GIT2: variants seen among roughly 807,000 people sequenced by gnomAD.
GIT2 encodes GIT ArfGAP 2.
In GIT2, 32 loss-of-function variants were observed where a neutral mutation model predicts 100.3. The observed-to-expected ratio is 0.32, with a 90% CI of 0.24 to 0.43. The LOEUF (loss-of-function observed/expected upper bound fraction) is 0.43, where lower values mean the gene tolerates loss of function less well. GIT2 is among the 20% of genes least tolerant of loss of function. The probability of loss-of-function intolerance (pLI) is 1.00; values close to 1 mark genes in which losing one functional copy is unlikely to be tolerated. For missense variants in GIT2, 737 were observed against 975.1 expected (o/e 0.76, Z 3.25); for synonymous variants, 353 against 364.1 (o/e 0.97, Z 0.35).
intron 1 of GIT2, 25 bp from the exon 2 acceptor site, chr12:109,991,785 G>A (rs1367343428): frequency 1.2e-6 from 2 of 1,602,436 alleles, no homozygotes; most frequent in East Asian, 4.5e-5. Flanking sequence ...AAATCTCAGT[G>A]GCAGGGATAC....
At chr12:109,976,598 T>C (rs909892311) in intron 7 of GIT2, among the ~76,000 whole-genome samples, 48 of 150,510 alleles carry the variant, frequency 3.2e-4, no homozygotes, top group Non-Finnish European at 5.0e-4. Flanking sequence ...CTTTTCTTTT[T>C]TTTTTTTTTT....
chr12:109,938,505 T>C lies in GIT2; in HGVS notation c.1878A>G (p.Thr626=). The C allele has an allele frequency of 2.5e-6, 4 of 1,613,928 alleles. No homozygotes were observed. The highest frequency in any genetic ancestry group is 3.4e-6 in the Non-Finnish European group (4 of 1,179,842). ...GGCTTGGGGCCACATGGGGTTCTGC[T>C]GTGTCTGGTACCAAGCCATCCCCTG... is the stretch of plus-strand genomic sequence containing the variant. The part of the protein sequence containing the change: ...VWPGDGLVPD[T]AEPHVAPSPT... The change falls in exon 18 of 20, where the codon ACA becomes ACG. Residue 626 remains threonine (T), a synonymous_variant. Coordinates refer to ENST00000355312, the MANE Select transcript of GIT2 (RefSeq NM_057169.5).
chr12:109,967,366 T>C (rs1357109460), intron 8 of GIT2, 92 bp downstream of exon 8: 1 of 1,570,298 alleles, frequency 6.4e-7, no homozygotes, highest in Non-Finnish European at 8.7e-7. Flanking sequence ...TGTATGGGCT[T>C]TGTTAAACAC....
chr12:109,995,452 T>C (rs998267922), intron 1 of GIT2, among the ~76,000 whole-genome samples: 6 of 152,168 alleles, frequency 3.9e-5, no homozygotes, highest in Non-Finnish European at 8.8e-5. Flanking sequence ...TCTACGAGTA[T>C]TCATTGAATC....
At chr12:109,973,905 G>C (rs1884493751) in intron 7 of GIT2, among the ~76,000 whole-genome samples, 1 of 151,840 alleles carries the variant, frequency 6.6e-6, no homozygotes, top group African/African-American at 2.4e-5. Flanking sequence ...TGCCAGGCAT[G>C]GTGCTGCATG....
In GIT2 at chr12:109,983,371, A is replaced by G; in HGVS notation, c.623+2T>C. The G allele has an allele frequency of 6.2e-7, 1 of 1,612,928 alleles. No individual in the cohort carries two copies. Among genetic ancestry groups the G allele is most frequent in the Non-Finnish European group, 8.5e-7 (1 of 1,179,620 alleles). On this transcript the variant is annotated splice_donor_variant, in intron 6 of 19. Coordinates refer to ENST00000355312, the MANE Select transcript of GIT2 (RefSeq NM_057169.5). LOFTEE classifies it high-confidence loss of function. ...GAAGTAGCGAGAATCTAGGTCTCTT[A>G]CCTTGCATAATCAACGGGAGTTTTC...
chr12:109,937,815 G>A (rs1444379666), intron 18 of GIT2, among the ~76,000 whole-genome samples: 1 of 152,190 alleles, frequency 6.6e-6, no homozygotes, highest in Non-Finnish European at 1.5e-5. Flanking sequence ...AAATTCTCCT[G>A]CCTCAGCCTT....
chr12:109,963,863 G>A (rs917458491), intron 9 of GIT2, among the ~76,000 whole-genome samples: 1 of 152,186 alleles, frequency 6.6e-6, no homozygotes, highest in South Asian at 2.1e-4. Flanking sequence ...GCCCCTGCAG[G>A]ATCCTTATCT....
intron 7 of GIT2, among the ~76,000 whole-genome samples, chr12:109,978,968 A>C (rs567301256): frequency 6.6e-6 from 1 of 152,330 alleles, no homozygotes; most frequent in Non-Finnish European, 1.5e-5. Context: ...TTTAAACTTT[A>C]TGCAAAAATG....
At chr12:109,978,885 T>G (rs915976438) in intron 7 of GIT2, among the ~76,000 whole-genome samples, 9 of 152,232 alleles carry the variant, frequency 5.9e-5, no homozygotes, top group Admixed American at 5.9e-4. Flanking sequence ...ACATGAGAAT[T>G]ACTCAGATGT....
intron 7 of GIT2, among the ~76,000 whole-genome samples, chr12:109,980,357 T>C (rs1335924399): frequency 1.3e-5 from 2 of 152,138 alleles, no homozygotes; most frequent in African/African-American, 2.4e-5. Flanking sequence ...ACATGACCCG[T>C]TGCACCCGGC....
At chr12:109,941,669 G>A (rs1415641420) in intron 16 of GIT2, among the ~76,000 whole-genome samples, 1 of 151,780 alleles carries the variant, frequency 6.6e-6, no homozygotes, top group East Asian at 1.9e-4. Flanking sequence ...TTACAGGCAT[G>A]CACCACCATA....
At chr12:109,936,552 AATCATGATT>A (rs1873049487) in intron 18 of GIT2, among the ~76,000 whole-genome samples, 1 of 152,220 alleles carries the variant, frequency 6.6e-6, no homozygotes, top group Non-Finnish European at 1.5e-5. Flanking sequence ...AGTGTTATTG[AATCATGATT>A]ACATTAAACG....
At chr12:109,963,290 G>T (rs1454194463) in intron 9 of GIT2, among the ~76,000 whole-genome samples, 1 of 152,124 alleles carries the variant, frequency 6.6e-6, no homozygotes, top group East Asian at 1.9e-4. Flanking sequence ...AACCCAGAGA[G>T]CCTGTTGCTA....
At chr12:109,977,850 T>C (rs1885431003) in intron 7 of GIT2, among the ~76,000 whole-genome samples, 1 of 152,068 alleles carries the variant, frequency 6.6e-6, no homozygotes, top group African/African-American at 2.4e-5. Context: ...TTCATTTCCT[T>C]CTCATCTCTA....
intron 18 of GIT2, among the ~76,000 whole-genome samples, chr12:109,937,562 A>G (rs1427878005): frequency 6.6e-6 from 1 of 152,180 alleles, no homozygotes; most frequent in Non-Finnish European, 1.5e-5. Context: ...TTCTCAGAGA[A>G]TTCACTCTCA....
At chr12:109,941,740 CA>C (rs1346638965) in intron 16 of GIT2, among the ~76,000 whole-genome samples, 1 of 151,906 alleles carries the variant, frequency 6.6e-6, no homozygotes, top group Non-Finnish European at 1.5e-5. Flanking sequence ...AGGCTGGTCT[CA>C]AACTCCTGAC....
At chr12:109,960,899 CTATCTG>C (rs1880887608) in intron 11 of GIT2, among the ~76,000 whole-genome samples, 1 of 152,162 alleles carries the variant, frequency 6.6e-6, no homozygotes, top group South Asian at 2.1e-4. Context: ...ATTTAAAGTT[CTATCTG>C]TTGCAAGAGA....
At position 109,945,166 on chromosome 12, in the gene GIT2, A is replaced by C. The variant is rs1335749398; in HGVS notation, c.1731+94T>G. 17 of 700,750 alleles carry C rather than the reference A, an allele frequency of 2.4e-5. No homozygotes were observed. The East Asian group carries it at 4.6e-4, about 19-fold the overall frequency. 43.4% of individuals were successfully genotyped at this position (700,750 alleles called of 1,614,324 possible). On this transcript the variant is annotated intron_variant, in intron 16 of 19. Transcript: ENST00000355312. ...GCTGCCTCATGCAGGACGGAAGGGC[A>C]GTTAGCAGGGACAGGAGGGCCAGAG...
Sources: allele counts gnomAD v4.1 joint callset (sites outside exome capture counted in the v4.1 genomes callset), GRCh38; gene constraint gnomAD v4.1.1; transcripts MANE v1.5; gene names NCBI Gene and HGNC (gene_info 2026-07-23, HGNC 2026-07-21).